Variants in DNAH11 observed in about 807,000 individuals in gnomAD.
The protein encoded by DNAH11 is dynein axonemal heavy chain 11.
DNAH11 carries 442 observed loss-of-function variants against 526.0 expected under a neutral mutation model. The observed-to-expected ratio is 0.84, with a 90% CI of 0.78 to 0.91. The LOEUF (loss-of-function observed/expected upper bound fraction) is 0.91. DNAH11 is among the 40% of genes least tolerant of loss of function. DNAH11 has a pLI of 0.00. For missense variants in DNAH11, 6,989 were observed against 5,448.7 expected (o/e 1.28, Z -8.90); for synonymous variants, 2,461 against 1,935.9 (o/e 1.27, Z -7.12).
intron 73 of DNAH11, among the ~76,000 whole-genome samples, chr7:21,870,150 C>T (rs1783440364): frequency 6.6e-6 from 1 of 152,148 alleles, no homozygotes; most frequent in Non-Finnish European, 1.5e-5. Flanking sequence ...AGCCTCAAGG[C>T]CACAGGGCTG....
chr7:21,738,670 A>C, intron 46 of DNAH11, 31 bp from the exon 47 acceptor site: 1 of 1,530,374 alleles, frequency 6.5e-7, no homozygotes, highest in East Asian at 2.4e-5. Context: ...CATTCTGTTG[A>C]TGGGTGGACA....
chr7:21,593,906 ATCTCTC>A (rs892116325), intron 14 of DNAH11, among the ~76,000 whole-genome samples: 1 of 150,936 alleles, frequency 6.6e-6, no homozygotes, highest in Admixed American at 6.6e-5. Context: ...CAGACACAAA[ATCTCTC>A]TCTCTCTAAC....
chr7:21,613,215 G>T (rs1301045988), intron 20 of DNAH11, among the ~76,000 whole-genome samples: 1 of 152,168 alleles, frequency 6.6e-6, no homozygotes, highest in Non-Finnish European at 1.5e-5. Context: ...CAATTGAAAT[G>T]TGATATATGT....
chr7:21,756,312 T>C (rs1447312441), intron 54 of DNAH11, among the ~76,000 whole-genome samples: 2 of 152,234 alleles, frequency 1.3e-5, no homozygotes, highest in Admixed American at 6.5e-5. Flanking sequence ...ATGATGTTTA[T>C]CTCATATATT....
chr7:21,695,892 GAAA>G (rs551747053), intron 35 of DNAH11, among the ~76,000 whole-genome samples: 5 of 149,516 alleles, frequency 3.3e-5, no homozygotes, highest in Admixed American at 3.3e-4. Flanking sequence ...AATTTAGAAG[GAAA>G]AAAAAACCCA....
chr7:21,852,369 T>A (rs1782674198), intron 66 of DNAH11, 98 bp from the exon 67 acceptor site: 15 of 1,286,780 alleles, frequency 1.2e-5, no homozygotes, highest in Non-Finnish European at 1.6e-5. Context: ...ATCATACCAC[T>A]GTACTCCAGC....
chr7:21,699,550 G>C (rs77369154), intron 36 of DNAH11, among the ~76,000 whole-genome samples: 1,724 of 152,174 alleles, frequency 0.011, 28 homozygotes, highest in African/African-American at 0.033. Context: ...TCATTGTTAG[G>C]GCAAAATATG....
intron 9 of DNAH11, among the ~76,000 whole-genome samples, chr7:21,586,689 T>A (rs903431963): frequency 6.6e-6 from 1 of 152,230 alleles, no homozygotes; most frequent in African/African-American, 2.4e-5. Context: ...AGCCCCCTCC[T>A]TTGCCATATT....
At chr7:21,683,635 G>A (rs1043159710) in intron 31 of DNAH11, 149 bp from the exon 32 acceptor site, 8 of 738,078 alleles carry the variant, frequency 1.1e-5, no homozygotes, top group Non-Finnish European at 1.7e-5. Context: ...ATTTAACCAT[G>A]TATATGCTAT....
chr7:21,636,307 A>G (rs1038013680), intron 26 of DNAH11, among the ~76,000 whole-genome samples: 5 of 152,262 alleles, frequency 3.3e-5, no homozygotes, highest in African/African-American at 1.2e-4. Flanking sequence ...ACAACATGAA[A>G]GAAGACATGG....
intron 63 of DNAH11, among the ~76,000 whole-genome samples, chr7:21,808,547 C>A (rs369730696): frequency 6.6e-6 from 1 of 152,114 alleles, no homozygotes; most frequent in East Asian, 1.9e-4. Context: ...CCTCCACTTC[C>A]CTCCCTCTGG....
At chr7:21,584,262 G>A (rs1784411138) in intron 9 of DNAH11, among the ~76,000 whole-genome samples, 1 of 152,170 alleles carries the variant, frequency 6.6e-6, no homozygotes, top group Admixed American at 6.5e-5. Flanking sequence ...AGAAGAATGA[G>A]TTCATGTCCT....
At chr7:21,680,889 A>G (rs1562487079) in intron 30 of DNAH11, among the ~76,000 whole-genome samples, 1 of 152,184 alleles carries the variant, frequency 6.6e-6, no homozygotes, top group Non-Finnish European at 1.5e-5. Flanking sequence ...AGCTTTTACT[A>G]TGCTTTTTTG....
intron 64 of DNAH11, 39 bp downstream of exon 64, chr7:21,816,741 G>C (rs779467653): frequency 2.6e-6 from 4 of 1,549,618 alleles, no homozygotes; most frequent in Non-Finnish European, 3.6e-6. Context: ...CTGTTTACCT[G>C]CTGTGAAGTG....
At chr7:21,632,646 C>G (rs542523209) in intron 25 of DNAH11, among the ~76,000 whole-genome samples, 1 of 152,286 alleles carries the variant, frequency 6.6e-6, no homozygotes, top group Admixed American at 6.5e-5. Flanking sequence ...CAGTTCCCAA[C>G]AAGTTTTTCA....
chr7:21,753,311 C>G (rs982252256), intron 54 of DNAH11, among the ~76,000 whole-genome samples: 1 of 152,104 alleles, frequency 6.6e-6, no homozygotes, highest in Non-Finnish European at 1.5e-5. Context: ...TCTTACTGGC[C>G]GCAAATGCTT....
chr7:21,895,043 G>A (rs759737260), intron 79 of DNAH11, 44 bp downstream of exon 79: 24 of 1,512,206 alleles, frequency 1.6e-5, no homozygotes, highest in South Asian at 1.2e-4. Context: ...GAGCAGCCTC[G>A]GTGCTGGGTT....
chr7:21,633,310 G>A (rs1450126281), intron 25 of DNAH11, among the ~76,000 whole-genome samples: 1 of 152,148 alleles, frequency 6.6e-6, no homozygotes, highest in African/African-American at 2.4e-5. Context: ...ATAGTCTGTC[G>A]ATGTCCATTA....
chr7:21,786,888 A>G (rs1788218207), intron 59 of DNAH11, 121 bp downstream of exon 59: 2 of 1,389,472 alleles, frequency 1.4e-6, no homozygotes, highest in Non-Finnish European at 2.0e-6. Context: ...TAGTTGCTGA[A>G]TGTAATCTAC....
Sources: gnomAD v4.1 joint callset for allele counts (sites outside exome capture counted in the v4.1 genomes callset) on GRCh38, gnomAD v4.1.1 for gene constraint, MANE v1.5 for transcripts, NCBI Gene and HGNC (gene_info 2026-07-23, HGNC 2026-07-21) for gene names.